DPP10: variants seen among roughly 807,000 people sequenced by gnomAD.
DPP10 encodes dipeptidyl peptidase like 10.
A neutral mutation model predicts 120.9 loss-of-function variants in DPP10; 33 were observed. The observed-to-expected ratio is 0.27, with a 90% CI of 0.21 to 0.37. DPP10 has a LOEUF of 0.37. DPP10 is among the 10% of genes least tolerant of loss of function. DPP10 has a pLI of 1.00. For missense variants in DPP10, 816 were observed against 942.8 expected (o/e 0.87, Z 1.76); for synonymous variants, 337 against 326.1 (o/e 1.03, Z -0.36).
intron 5 of DPP10, among the ~76,000 whole-genome samples, chr2:115,659,002 T>C (rs555917373): frequency 6.6e-6 from 1 of 152,248 alleles, no homozygotes; most frequent in South Asian, 2.1e-4. Context: ...TGTTGAGAAG[T>C]GGGACCTTTC....
At chr2:115,165,972 A>G (rs929458729) in intron 1 of DPP10, among the ~76,000 whole-genome samples, 1 of 152,254 alleles carries the variant, frequency 6.6e-6, no homozygotes, top group African/African-American at 2.4e-5. Context: ...TTGAACGTGA[A>G]GCTGTCACTT....
At chr2:114,973,962 A>T (rs1699576012) in intron 1 of DPP10, among the ~76,000 whole-genome samples, 1 of 152,198 alleles carries the variant, frequency 6.6e-6, no homozygotes, top group African/African-American at 2.4e-5. Flanking sequence ...TAAGGATATG[A>T]TTAAATAAGA....
chr2:114,703,260 A>G (rs1700493884), intron 1 of DPP10, among the ~76,000 whole-genome samples: 1 of 152,162 alleles, frequency 6.6e-6, no homozygotes, highest in African/African-American at 2.4e-5. Flanking sequence ...GTTAAGAACT[A>G]TGCTTCTTGT....
At chr2:114,834,157 A>C (rs950091207) in intron 1 of DPP10, 4 of 139,334 alleles carry the variant, frequency 2.9e-5, no homozygotes, top group Non-Finnish European at 6.6e-5. Context: ...CTACGCACCT[A>C]TGTATATATA....
chr2:115,739,805 T>C lies in DPP10; in HGVS notation c.764T>C (p.Met255Thr), dbSNP rs758693945. ...SPDGERLAFL[M>T]INDSLVPTMV... Reference sequence around the variant, plus strand: ...GATGGAGAAAGACTTGCCTTCCTGATGATAAATGACTCTTTGGTACCCACC... The same window carrying C: ...GATGGAGAAAGACTTGCCTTCCTGACGATAAATGACTCTTTGGTACCCACC... The change falls in exon 9 of 26, where the codon ATG (methionine) becomes ACG (threonine). Residue 255 changes from methionine (M) to threonine (T), a missense_variant. Met to Thr is a moderately conservative substitution (Grantham distance 81, BLOSUM62 -1). Coordinates refer to ENST00000410059, the MANE Select transcript of DPP10 (RefSeq NM_020868.6). The C allele has an allele frequency of 6.2e-6, 10 of 1,613,492 alleles. No homozygotes were observed. In the East Asian group the frequency reaches 2.0e-4, roughly 32 times the overall value.
intron 1 of DPP10, among the ~76,000 whole-genome samples, chr2:115,092,863 A>G (rs1265726685): frequency 6.6e-6 from 1 of 152,168 alleles, no homozygotes; most frequent in Non-Finnish European, 1.5e-5. Flanking sequence ...CGTTGCTGAT[A>G]AAAATAGTTG....
At chr2:115,017,132 C>T (rs2105138828) in intron 1 of DPP10, among the ~76,000 whole-genome samples, 1 of 151,178 alleles carries the variant, frequency 6.6e-6, no homozygotes, top group Middle Eastern at 3.4e-3. Context: ...GGGTGCAGCA[C>T]ACCAGCATGG....
intron 1 of DPP10, among the ~76,000 whole-genome samples, chr2:115,150,985 C>T (rs1229545225): frequency 6.6e-6 from 1 of 151,812 alleles, no homozygotes; most frequent in East Asian, 1.9e-4. Flanking sequence ...TATTTAATGG[C>T]GATGTTCCTG....
intron 1 of DPP10, among the ~76,000 whole-genome samples, chr2:115,187,331 C>G (rs1041066163): frequency 6.6e-6 from 1 of 151,986 alleles, no homozygotes; most frequent in Non-Finnish European, 1.5e-5. Flanking sequence ...CCACCGCGCC[C>G]GGCCGGTGCA....
chr2:115,456,068 T>C (rs191212052), intron 3 of DPP10, among the ~76,000 whole-genome samples: 78 of 152,166 alleles, frequency 5.1e-4, no homozygotes, highest in African/African-American at 1.8e-3. Context: ...AATCTATCCA[T>C]CTGACAAAGG....
At chr2:114,534,308 G>C (rs1435095106) in intron 1 of DPP10, among the ~76,000 whole-genome samples, 1 of 151,920 alleles carries the variant, frequency 6.6e-6, no homozygotes, top group East Asian at 1.9e-4. Context: ...TTTGTCCTTT[G>C]GGTCTCTGTA....
At chr2:114,522,241 C>T (rs1197982088) in intron 1 of DPP10, among the ~76,000 whole-genome samples, 7 of 151,974 alleles carry the variant, frequency 4.6e-5, no homozygotes, top group Admixed American at 6.6e-5. Flanking sequence ...GCCTCGGCCT[C>T]CCAAAGTGCT....
chr2:115,429,412 T>C (rs1425107794), intron 3 of DPP10, among the ~76,000 whole-genome samples: 2 of 152,086 alleles, frequency 1.3e-5, no homozygotes, highest in African/African-American at 4.8e-5. Flanking sequence ...GACAAGGCAA[T>C]ATGTGATCTT....
intron 1 of DPP10, among the ~76,000 whole-genome samples, chr2:115,154,292 T>C (rs1248236483): frequency 2.6e-5 from 4 of 152,202 alleles, no homozygotes; most frequent in Non-Finnish European, 5.9e-5. Context: ...AATTCTCCTG[T>C]GAGCTCTCCA....
chr2:115,821,987 A>G lies in DPP10; in HGVS notation c.1950+6258A>G, dbSNP rs187882765. 3.5e-4 allele frequency among the ~76,000 whole-genome samples: 54 copies of G among 152,116 alleles called. 1 individual carries two copies. The highest frequency in any genetic ancestry group is 1.5e-3 in the Admixed American group (23 of 15,280). ...ATTCATACTTTGTATTTTATGTTTT[A>G]GGAACCATATAGGAGAGTTTCATTT... is the stretch of plus-strand genomic sequence containing the variant. On this transcript the variant is annotated intron_variant, in intron 21 of 25. Coordinates refer to ENST00000410059, the MANE Select transcript of DPP10 (RefSeq NM_020868.6).
At chr2:114,532,256 C>CATATATATATATAT (rs66716319) in intron 1 of DPP10, among the ~76,000 whole-genome samples, 222 of 86,000 alleles carry the variant, frequency 2.6e-3, no homozygotes, top group Non-Finnish European at 3.0e-3. Flanking sequence ...AATAAATCTC[C>CATATATATATATAT]ATATATATAT....
intron 5 of DPP10, among the ~76,000 whole-genome samples, chr2:115,600,127 T>C (rs2083235086): frequency 6.6e-6 from 1 of 152,170 alleles, no homozygotes. Flanking sequence ...CAGCAGCAGC[T>C]ATCTTAAGGA....
intron 5 of DPP10, among the ~76,000 whole-genome samples, chr2:115,547,266 A>G (rs1388837899): frequency 6.6e-6 from 1 of 152,198 alleles, no homozygotes; most frequent in African/African-American, 2.4e-5. Flanking sequence ...AATAACATAT[A>G]AAGTAGCTTT....
intron 1 of DPP10, among the ~76,000 whole-genome samples, chr2:115,047,614 T>C (rs1705162814): frequency 6.6e-6 from 1 of 152,074 alleles, no homozygotes; most frequent in Non-Finnish European, 1.5e-5. Context: ...CAATGTGAAT[T>C]ACGCAAGCAT....
Sources: gnomAD v4.1 joint callset for allele counts (sites outside exome capture counted in the v4.1 genomes callset) on GRCh38, gnomAD v4.1.1 for gene constraint, MANE v1.5 for transcripts, NCBI Gene and HGNC (gene_info 2026-07-23, HGNC 2026-07-21) for gene names.